Variants in CAST observed in about 807,000 individuals in gnomAD.
CAST encodes MIR583 host.
A neutral mutation model predicts 119.6 loss-of-function variants in CAST; 76 were observed. The ratio of observed to expected loss-of-function variants is 0.64; its 90% CI spans 0.53 to 0.77. The LOEUF is 0.77. Among genes scored for constraint, CAST ranks in the 30% least tolerant of loss-of-function variants. CAST has a pLI of 0.00. For missense variants in CAST, 953 were observed against 946.5 expected (o/e 1.01, Z -0.09); for synonymous variants, 319 against 331.6 (o/e 0.96, Z 0.41).
the CAST span, among the ~76,000 whole-genome samples, chr5:96,404,168 T>G: frequency 1.3e-5 from 2 of 152,238 alleles, no homozygotes; most frequent in African/African-American, 4.8e-5. Flanking sequence ...CTAATGGGTT[T>G]CTACACAAAC....
the CAST span, among the ~76,000 whole-genome samples, chr5:96,168,748 G>A: frequency 5.4e-4 from 82 of 152,220 alleles, no homozygotes; most frequent in African/African-American, 1.7e-3. Context: ...TGTGGTATCC[G>A]GAATAATGTG....
At chr5:96,379,226 G>A in the CAST span, among the ~76,000 whole-genome samples, 1 of 152,134 alleles carries the variant, frequency 6.6e-6, no homozygotes, top group Non-Finnish European at 1.5e-5. Flanking sequence ...TAAAAAGTGA[G>A]AAAAATGTTA....
At chr5:96,014,565 C>A in the CAST span, among the ~76,000 whole-genome samples, 1 of 152,138 alleles carries the variant, frequency 6.6e-6, no homozygotes, top group Non-Finnish European at 1.5e-5. Flanking sequence ...TCACCACAAA[C>A]ACATGAGTAA....
chr5:96,767,387 T>C, intron 27 of CAST, 51 bp from the exon 28 acceptor site: 1 of 1,491,404 alleles, frequency 6.7e-7, no homozygotes, highest in Non-Finnish European at 9.3e-7. Context: ...TAAACCTAAG[T>C]AAACCTTTAC....
At chr5:96,748,468 CAA>C in intron 18 of CAST, 48 bp from the exon 19 acceptor site, 1 of 901,132 alleles carries the variant, frequency 1.1e-6, no homozygotes, top group Non-Finnish European at 1.7e-6. Flanking sequence ...TTTTTTTTTA[CAA>C]AATAAAAAAG....
the CAST span, among the ~76,000 whole-genome samples, chr5:96,342,470 G>A: frequency 2.6e-5 from 4 of 152,220 alleles, no homozygotes; most frequent in South Asian, 8.3e-4. Flanking sequence ...GTGAGGCTGG[G>A]GCTGCTGATC....
intron 1 of CAST, among the ~76,000 whole-genome samples, chr5:96,579,949 T>C (rs1746741689): frequency 6.6e-6 from 1 of 152,264 alleles, no homozygotes; most frequent in Non-Finnish European, 1.5e-5. Flanking sequence ...AGTTGATGTC[T>C]GGATCTATCC....
the CAST span, among the ~76,000 whole-genome samples, chr5:96,242,578 C>A: frequency 1.3e-5 from 2 of 152,208 alleles, no homozygotes; most frequent in Non-Finnish European, 2.9e-5. Context: ...AGAGTTGTTC[C>A]TTGGTGACTG....
chr5:96,662,976 C>A, intron 1 of CAST: 1 of 616,458 alleles, frequency 1.6e-6, no homozygotes, highest in Non-Finnish European at 2.9e-6. Context: ...CCGGGCCCCA[C>A]CCCCAGGGTT....
the CAST span, among the ~76,000 whole-genome samples, chr5:96,275,984 A>C: frequency 3.3e-5 from 5 of 152,248 alleles, no homozygotes; most frequent in African/African-American, 1.2e-4. Context: ...ATTATTTAAA[A>C]TACAAATTTT....
the CAST span, among the ~76,000 whole-genome samples, chr5:96,362,320 A>G: frequency 1.3e-5 from 2 of 152,230 alleles, no homozygotes; most frequent in African/African-American, 4.8e-5. Context: ...TTATAGCAGC[A>G]TGATTTATAA....
At chr5:96,397,326 T>G in the CAST span, 1 of 1,611,946 alleles carries the variant, frequency 6.2e-7, no homozygotes, top group Non-Finnish European at 8.5e-7. Flanking sequence ...ATCCTCTCAT[T>G]CACACTTACC....
chr5:96,403,601 G>A, the CAST span, among the ~76,000 whole-genome samples: 5 of 152,110 alleles, frequency 3.3e-5, no homozygotes, highest in Non-Finnish European at 7.4e-5. Flanking sequence ...GCATTGAGTG[G>A]CTAATCAAAG....
chr5:96,326,788 T>C, the CAST span, among the ~76,000 whole-genome samples: 2 of 149,022 alleles, frequency 1.3e-5, no homozygotes, highest in South Asian at 2.1e-4. Flanking sequence ...TGAATGATTA[T>C]GAATAGAGTT....
the CAST span, among the ~76,000 whole-genome samples, chr5:96,446,077 C>T: frequency 0.063 from 9,573 of 151,576 alleles, 378 homozygotes; most frequent in South Asian, 0.13. Context: ...TCAAACTCCT[C>T]AGCTCAAGCT....
At chr5:96,673,982 A>G (rs1157073141) in intron 1 of CAST, among the ~76,000 whole-genome samples, 2 of 152,226 alleles carry the variant, frequency 1.3e-5, no homozygotes, top group Admixed American at 1.3e-4. Context: ...AGAATTGTAG[A>G]GTCACGAACA....
the CAST span, among the ~76,000 whole-genome samples, chr5:96,183,500 T>C: frequency 6.6e-6 from 1 of 152,318 alleles, no homozygotes; most frequent in South Asian, 2.1e-4. Context: ...TTGGAATTTT[T>C]TTCAGAAACA....
At chr5:96,062,145 T>C in the CAST span, among the ~76,000 whole-genome samples, 5 of 152,038 alleles carry the variant, frequency 3.3e-5, no homozygotes, top group Non-Finnish European at 7.4e-5. Context: ...ATCCACCAGC[T>C]CAGGATTGGC....
Position 96,684,990 on chromosome 5 carries a change from G to A in CAST, c.138+9389G>A, listed in dbSNP as rs565651170. The stretch of plus-strand genomic sequence containing the variant: ...GTGATATACAAAATGTTGTATCATT[G>A]GATAGGGAATGGTATTAAAAAAACA... On this transcript the variant is annotated intron_variant, in intron 2 of 31. Coordinates refer to ENST00000675179, the MANE Select transcript of CAST (RefSeq NM_001750.7). Among the ~76,000 whole-genome samples the A allele has an allele frequency of 2.0e-5, 3 of 151,424 alleles. No homozygotes were observed. In the South Asian group the frequency reaches 6.2e-4, roughly 32 times the overall value.
Sources: gnomAD v4.1 joint callset for allele counts (sites outside exome capture counted in the v4.1 genomes callset) on GRCh38, gnomAD v4.1.1 for gene constraint, MANE v1.5 for transcripts, NCBI Gene and HGNC (gene_info 2026-07-23, HGNC 2026-07-21) for gene names.